SUSD4: variants seen among roughly 807,000 people sequenced by gnomAD.
The protein encoded by SUSD4 is sushi domain containing 4.
Under a neutral mutation model 50.5 loss-of-function variants are expected in SUSD4, and 41 were observed. The ratio of observed to expected loss-of-function variants is 0.81; its 90% CI spans 0.63 to 1.05. SUSD4 has a LOEUF of 1.05. Ranked by LOEUF, SUSD4 falls within the 50% of genes least tolerant of loss-of-function variation. SUSD4 has a pLI of 0.00. For synonymous variants in SUSD4, 257 were observed against 257.3 expected, an observed-to-expected ratio of 1.00 and a Z score of 0.01; for missense variants, 580 against 634.7, an observed-to-expected ratio of 0.91 and a Z score of 0.93.
intron 2 of SUSD4, among the ~76,000 whole-genome samples, chr1:223,346,163 G>A (rs1251569395): frequency 6.6e-6 from 1 of 151,954 alleles, no homozygotes; most frequent in African/African-American, 2.4e-5. Flanking sequence ...TATTCCATCC[G>A]CTTACCCCAA....
At chr1:223,223,720 C>T in intron 7 of SUSD4, 89 bp from the exon 8 acceptor site, 2 of 1,430,586 alleles carry the variant, frequency 1.4e-6, no homozygotes, top group Non-Finnish European at 1.8e-6. Context: ...TCGGGGTCCT[C>T]AGGACCCACG....
intron 5 of SUSD4, among the ~76,000 whole-genome samples, chr1:223,246,886 T>C (rs1303432515): frequency 6.6e-6 from 1 of 152,202 alleles, no homozygotes; most frequent in African/African-American, 2.4e-5. Context: ...GCCTTGCAAC[T>C]ATCCATACAA....
At chr1:223,363,156 C>G in intron 2 of SUSD4, 122 bp downstream of exon 2, 2 of 1,198,194 alleles carry the variant, frequency 1.7e-6, no homozygotes, top group Non-Finnish European at 2.2e-6. Flanking sequence ...GGCACCCTCG[C>G]GTTGTCAGAT....
At chr1:223,315,103 A>G (rs929347888) in intron 2 of SUSD4, among the ~76,000 whole-genome samples, 8 of 152,218 alleles carry the variant, frequency 5.3e-5, no homozygotes, top group African/African-American at 1.9e-4. Flanking sequence ...GGCTGACCCC[A>G]TCTTGCTTCT....
chr1:223,354,529 C>T (rs2102585799), intron 2 of SUSD4, among the ~76,000 whole-genome samples: 1 of 152,310 alleles, frequency 6.6e-6, no homozygotes, highest in Non-Finnish European at 1.5e-5. Flanking sequence ...ATATTACACC[C>T]CCATTTTGTG....
At chr1:223,312,211 G>A (rs1006977369) in intron 2 of SUSD4, among the ~76,000 whole-genome samples, 1 of 152,222 alleles carries the variant, frequency 6.6e-6, no homozygotes, top group Admixed American at 6.5e-5. Flanking sequence ...CCATGCAAAT[G>A]AGAGTGTCAT....
At chr1:223,309,721 G>A (rs766586539) in intron 2 of SUSD4, among the ~76,000 whole-genome samples, 2 of 152,228 alleles carry the variant, frequency 1.3e-5, no homozygotes, top group Non-Finnish European at 2.9e-5. Flanking sequence ...ATTCTAGAAT[G>A]CCTGAGGCCT....
At chr1:223,342,596 C>A (rs1667818969) in intron 2 of SUSD4, among the ~76,000 whole-genome samples, 2 of 151,902 alleles carry the variant, frequency 1.3e-5, no homozygotes, top group Admixed American at 1.3e-4. Context: ...AGAAACAGAC[C>A]CAAATATCTA....
intron 2 of SUSD4, chr1:223,360,397 A>C (rs1668907772): frequency 5.9e-6 from 2 of 338,244 alleles, no homozygotes; most frequent in African/African-American, 4.4e-5. Flanking sequence ...CCACCAACCT[A>C]ATATGAGTTC....
rs76316337 is a variant in SUSD4 at position 223,293,528 on chromosome 1, C to A, written c.149-877G>T. ...ATGAATAAATGAGGTTGGAGGACAG[C>A]AGCTTGAGAGACTGACTGAAAGAGA... On this transcript the variant is annotated intron_variant, in intron 2 of 8. Transcript: ENST00000366878. 5.4e-3 allele frequency among the ~76,000 whole-genome samples: 820 copies of A among 152,248 alleles called. 44 individuals are homozygous for A. In the East Asian group the frequency reaches 0.12, roughly 21 times the overall value.
intron 2 of SUSD4, among the ~76,000 whole-genome samples, chr1:223,330,505 C>T (rs1667115093): frequency 6.6e-6 from 1 of 152,120 alleles, no homozygotes; most frequent in Admixed American, 6.5e-5. Flanking sequence ...CAGAAAACAA[C>T]AAACGAGAAA....
chr1:223,243,081 G>A (rs1043904962), intron 5 of SUSD4, among the ~76,000 whole-genome samples: 4 of 152,050 alleles, frequency 2.6e-5, no homozygotes. Flanking sequence ...CCCCATGATG[G>A]GCAGCCGGGT....
intron 2 of SUSD4, among the ~76,000 whole-genome samples, chr1:223,345,715 G>A (rs545680372): frequency 6.6e-6 from 1 of 152,326 alleles, no homozygotes; most frequent in Non-Finnish European, 1.5e-5. Flanking sequence ...AGTATCTTAA[G>A]ACCAAACTCA....
intron 3 of SUSD4, among the ~76,000 whole-genome samples, chr1:223,278,151 A>C (rs1420767576): frequency 6.6e-6 from 1 of 152,194 alleles, no homozygotes; most frequent in Non-Finnish European, 1.5e-5. Flanking sequence ...CGCAGAAGAC[A>C]GAAGATTTCT....
intron 5 of SUSD4, among the ~76,000 whole-genome samples, chr1:223,247,777 G>T (rs1335875765): frequency 2.6e-5 from 4 of 152,084 alleles, no homozygotes; most frequent in South Asian, 4.1e-4. Flanking sequence ...GGCTTGGATG[G>T]GTCTTAAAGC....
intron 2 of SUSD4, among the ~76,000 whole-genome samples, chr1:223,305,907 C>T (rs74145797): frequency 0.012 from 1,834 of 152,266 alleles, 39 homozygotes; most frequent in African/African-American, 0.041. Context: ...ACAGTATCAA[C>T]TCTGAATATT....
intron 2 of SUSD4, among the ~76,000 whole-genome samples, chr1:223,357,833 G>A (rs1038904504): frequency 6.6e-6 from 1 of 152,152 alleles, no homozygotes; most frequent in Non-Finnish European, 1.5e-5. Context: ...ATCAGTCCTA[G>A]ATACTGTGAT....
chr1:223,243,750 G>A (rs906150018), intron 5 of SUSD4, among the ~76,000 whole-genome samples: 4 of 152,198 alleles, frequency 2.6e-5, no homozygotes, highest in African/African-American at 9.7e-5. Flanking sequence ...GCACAATGAA[G>A]CTAGAAAGCA....
chr1:223,354,437 A>G (rs1404050877), intron 2 of SUSD4, among the ~76,000 whole-genome samples: 1 of 152,202 alleles, frequency 6.6e-6, no homozygotes, highest in East Asian at 1.9e-4. Flanking sequence ...ATCCAAGGGG[A>G]AAAATCTGGG....
Sources: gnomAD v4.1 joint callset for allele counts (sites outside exome capture counted in the v4.1 genomes callset) on GRCh38, gnomAD v4.1.1 for gene constraint, MANE v1.5 for transcripts, NCBI Gene and HGNC (gene_info 2026-07-23, HGNC 2026-07-21) for gene names.